ARF4: variants seen among roughly 807,000 people sequenced by gnomAD.
ARF4 encodes the protein ADP-ribosylation factor 4.
A neutral mutation model predicts 24.3 loss-of-function variants in ARF4; 5 were observed. The observed-to-expected ratio is 0.21, with a 90% CI of 0.11 to 0.43. The LOEUF (loss-of-function observed/expected upper bound fraction) is 0.43, where lower values mean the gene tolerates loss of function less well. Among genes scored for constraint, ARF4 ranks in the 20% least tolerant of loss-of-function variants. The pLI, the probability that ARF4 is intolerant of heterozygous loss-of-function variation, is 1.00. For synonymous variants in ARF4, 62 were observed against 73.5 expected, an observed-to-expected ratio of 0.84 and a Z score of 0.80; for missense variants, 107 against 213.0, an observed-to-expected ratio of 0.50 and a Z score of 3.10.
At chr3:57,584,760 A>G (rs993938442) in intron 1 of ARF4, among the ~76,000 whole-genome samples, 2 of 152,096 alleles carry the variant, frequency 1.3e-5, no homozygotes, top group Admixed American at 6.6e-5. Context: ...TGACTTTAGG[A>G]CACTGAGACC....
At chr3:57,584,824 C>A (rs887891537) in intron 1 of ARF4, among the ~76,000 whole-genome samples, 5 of 143,078 alleles carry the variant, frequency 3.5e-5, no homozygotes, top group Admixed American at 1.4e-4. Flanking sequence ...AGATCTCTTC[C>A]AATTAAATTC....
intron 1 of ARF4, among the ~76,000 whole-genome samples, chr3:57,594,789 G>A (rs1305399524): frequency 6.6e-6 from 1 of 152,140 alleles, no homozygotes; most frequent in Non-Finnish European, 1.5e-5. Flanking sequence ...CAGTTGAATG[G>A]GGCAGACACT....
intron 3 of ARF4, among the ~76,000 whole-genome samples, chr3:57,579,607 GT>G (rs1290311146): frequency 1.3e-5 from 2 of 152,036 alleles, no homozygotes; most frequent in African/African-American, 4.8e-5. Context: ...ATCATTTTCT[GT>G]TTACCTCTCA....
chr3:57,595,983 C>G (rs2070176941), intron 1 of ARF4, among the ~76,000 whole-genome samples: 1 of 151,806 alleles, frequency 6.6e-6, no homozygotes, highest in Non-Finnish European at 1.5e-5. Context: ...AAAATAAAAC[C>G]TCCTCCGGTA....
In ARF4 at chr3:57,577,439, A is replaced by G. The variant is rs1483245650; in HGVS notation, c.259-52T>C. 1.1e-5 allele frequency: 16 copies of G among 1,451,964 alleles called. No homozygotes were observed. The East Asian group carries it at 3.4e-4, about 31-fold the overall frequency. The allele number at this position is 1,451,964 out of a possible 1,614,324, so 89.9% of individuals were successfully genotyped here. A position where few individuals can be genotyped will look rare whatever the true frequency, so the allele number is the denominator to read the frequency against. ...TTAACAGTTAAACGACACTCTCTAT[A>G]TGAAACAGTGTAGGCAGCAAAATGG... On this transcript the variant is annotated intron_variant, in intron 3 of 5. Coordinates refer to ENST00000303436, the MANE Select transcript of ARF4 (RefSeq NM_001660.4).
At chr3:57,593,540 T>G (rs2070139809) in intron 1 of ARF4, among the ~76,000 whole-genome samples, 1 of 152,188 alleles carries the variant, frequency 6.6e-6, no homozygotes, top group Non-Finnish European at 1.5e-5. Context: ...CATACTACAC[T>G]ACACTGATAT....
At chr3:57,592,900 T>C (rs748023064) in intron 1 of ARF4, among the ~76,000 whole-genome samples, 1 of 152,134 alleles carries the variant, frequency 6.6e-6, no homozygotes, top group Non-Finnish European at 1.5e-5. Flanking sequence ...GAACAAAAAC[T>C]TCCTCTTAAA....
At position 57,575,739 on chromosome 3, in the gene ARF4, A is replaced by G. The variant is rs2069895527; in HGVS notation, c.331-66T>C. 4.0e-6 allele frequency: 6 copies of G among 1,497,526 alleles called. No individual in the cohort carries two copies. The Admixed American group carries it at 1.1e-4, about 27-fold the overall frequency. The allele number at this position is 1,497,526 out of a possible 1,614,324, so 92.8% of individuals were successfully genotyped here. A position where few individuals can be genotyped will look rare whatever the true frequency, so the allele number is the denominator to read the frequency against. On this transcript the variant is annotated intron_variant, in intron 4 of 5. Transcript: ENST00000303436. ...ATCCAATTTTTGAAAATGTCTTCCT[A>G]TATATACTTTACTCAGCATTAAATA...
Position 57,584,404 on chromosome 3 carries a change from A to G in ARF4, c.128T>C (p.Val43Ala). Residue 43 changes from valine to alanine, a missense_variant, in exon 2 of 6, where the codon GTC becomes GCC. Coordinates refer to ENST00000303436, the MANE Select transcript of ARF4 (RefSeq NM_001660.4). ...ILYKLKLGEI[V>A]TTIPTIGFNV... ...CTTACCAATGGTAGGAATGGTGGTGACTATCTCCCCTAACTTCAGTTTATA... is the reference window on the plus strand; with the variant it reads ...CTTACCAATGGTAGGAATGGTGGTGGCTATCTCCCCTAACTTCAGTTTATA... 1 of 1,612,836 alleles carries G rather than the reference A, an allele frequency of 6.2e-7. No homozygotes were observed.
intron 1 of ARF4, among the ~76,000 whole-genome samples, chr3:57,594,082 C>A (rs1459182423): frequency 1.3e-5 from 2 of 151,968 alleles, no homozygotes; most frequent in African/African-American, 4.8e-5. Flanking sequence ...ATGGTGAAAC[C>A]CCGTCTCTAC....
chr3:57,585,796 G>A (rs1179212917), intron 1 of ARF4, among the ~76,000 whole-genome samples: 2 of 151,538 alleles, frequency 1.3e-5, no homozygotes, highest in East Asian at 3.9e-4. Context: ...CGGAGTAACT[G>A]GGATTACAGG....
rs764058520 is a variant in ARF4 at position 57,579,253 on chromosome 3, C to CAAA, written c.259-1869_259-1867dup. Among the ~76,000 whole-genome samples the CAAA allele has an allele frequency of 3.8e-3, 181 of 47,612 alleles. 14 individuals are homozygous for CAAA. The highest frequency in any genetic ancestry group is 6.6e-3 in the African/African-American group (76 of 11,478). The allele number at this position is 47,612 out of a possible 152,430, so 31.2% of individuals were successfully genotyped here. On this transcript the variant is annotated intron_variant, in intron 3 of 5. Coordinates refer to ENST00000303436, the MANE Select transcript of ARF4 (RefSeq NM_001660.4). Reference sequence around the variant, plus strand: ...TGGGCGACAAGAGCAAACTACATCTCAAAAAAAAAAAAAAAAAAAAGGAAC... The same window carrying CAAA: ...TGGGCGACAAGAGCAAACTACATCTCAAAAAAAAAAAAAAAAAAAAAAAGGAAC...
chr3:57,582,983 G>A (rs1048132291), intron 3 of ARF4, among the ~76,000 whole-genome samples: 6 of 152,144 alleles, frequency 3.9e-5, no homozygotes, highest in Non-Finnish European at 5.9e-5. Context: ...GAGATTTTTG[G>A]CTGCTACTTG....
intron 1 of ARF4, among the ~76,000 whole-genome samples, chr3:57,594,382 C>G (rs1239623253): frequency 6.6e-6 from 1 of 152,220 alleles, no homozygotes; most frequent in African/African-American, 2.4e-5. Context: ...GCCACCACAC[C>G]TGGCCAGAAG....
chr3:57,587,935 G>C (rs2070058637), intron 1 of ARF4, among the ~76,000 whole-genome samples: 1 of 152,108 alleles, frequency 6.6e-6, no homozygotes, highest in Non-Finnish European at 1.5e-5. Flanking sequence ...GTATTTATAA[G>C]CTTTAATGCA....
At chr3:57,585,848 G>C (rs1313833851) in intron 1 of ARF4, among the ~76,000 whole-genome samples, 3 of 152,024 alleles carry the variant, frequency 2.0e-5, no homozygotes, top group Admixed American at 2.0e-4. Flanking sequence ...TTTTAGTAGA[G>C]ACGGGGTTTC....
chr3:57,591,694 T>C lies in ARF4; in HGVS notation c.67+5380A>G, dbSNP rs1319927638. Among the ~76,000 whole-genome samples the C allele has an allele frequency of 1.5e-4, 23 of 152,138 alleles. 1 individual carries two copies. The highest frequency in any genetic ancestry group is 1.4e-3 in the Admixed American group (21 of 15,266). ...GTTGTCCAGGCTGGTCTCGAACTCCTGACCTCGTGATCTGCCCGCCTCAGC... is the reference window on the plus strand; with the variant it reads ...GTTGTCCAGGCTGGTCTCGAACTCCCGACCTCGTGATCTGCCCGCCTCAGC... On this transcript the variant is annotated intron_variant, in intron 1 of 5. Coordinates refer to ENST00000303436, the MANE Select transcript of ARF4 (RefSeq NM_001660.4).
chr3:57,574,914 T>A (rs1011125089), intron 5 of ARF4, among the ~76,000 whole-genome samples: 2 of 150,270 alleles, frequency 1.3e-5, no homozygotes, highest in Admixed American at 6.6e-5. Flanking sequence ...AGTGGCGCGA[T>A]CGCGACTCAC....
intron 1 of ARF4, among the ~76,000 whole-genome samples, chr3:57,594,071 C>T (rs1404825584): frequency 1.3e-5 from 2 of 152,082 alleles, no homozygotes; most frequent in Non-Finnish European, 2.9e-5. Flanking sequence ...GCCTGGCCAA[C>T]ATGGTGAAAC....
Sources: allele counts gnomAD v4.1 joint callset (sites outside exome capture counted in the v4.1 genomes callset), GRCh38; gene constraint gnomAD v4.1.1; transcripts MANE v1.5; gene names NCBI Gene and HGNC (gene_info 2026-07-23, HGNC 2026-07-21).